Variants in ERBB4 observed in about 807,000 individuals in gnomAD.
ERBB4 encodes receptor tyrosine-protein kinase erbB-4.
In ERBB4, 42 loss-of-function variants were observed where a neutral mutation model predicts 158.0. The observed-to-expected ratio is 0.27, with a 90% CI of 0.21 to 0.34. The LOEUF is 0.34. Among genes scored for constraint, ERBB4 ranks in the 10% least tolerant of loss-of-function variants. ERBB4 has a pLI of 1.00. For synonymous variants in ERBB4, 583 were observed against 558.7 expected, an observed-to-expected ratio of 1.04 and a Z score of -0.61; for missense variants, 1,333 against 1,624.1, an observed-to-expected ratio of 0.82 and a Z score of 3.08.
At chr2:211,585,208 T>C (rs1197216339) in intron 19 of ERBB4, among the ~76,000 whole-genome samples, 10 of 151,922 alleles carry the variant, frequency 6.6e-5, no homozygotes, top group African/African-American at 1.9e-4. Context: ...AAAAATTAGC[T>C]GGGCGTGGCA....
intron 1 of ERBB4, among the ~76,000 whole-genome samples, chr2:212,388,491 A>T (rs1331402592): frequency 6.6e-6 from 1 of 152,054 alleles, no homozygotes; most frequent in African/African-American, 2.4e-5. Flanking sequence ...GTGCTGTTAT[A>T]CCTGGAACTG....
At chr2:212,265,962 T>C (rs2085119805) in intron 1 of ERBB4, among the ~76,000 whole-genome samples, 1 of 152,018 alleles carries the variant, frequency 6.6e-6, no homozygotes, top group African/African-American at 2.4e-5. Flanking sequence ...GAGAGCCACC[T>C]CGCTAATCGG....
intron 2 of ERBB4, among the ~76,000 whole-genome samples, chr2:211,986,960 T>C (rs1333444448): frequency 3.9e-5 from 6 of 152,124 alleles, no homozygotes; most frequent in African/African-American, 1.2e-4. Flanking sequence ...ACTAATAATA[T>C]ATAAAGTATG....
At chr2:212,533,862 G>A (rs1395230980) in intron 1 of ERBB4, among the ~76,000 whole-genome samples, 1 of 152,204 alleles carries the variant, frequency 6.6e-6, no homozygotes. Flanking sequence ...AAAGATAACA[G>A]TGGAATATGC....
chr2:211,818,005 C>A (rs1189651478), intron 3 of ERBB4, among the ~76,000 whole-genome samples: 4 of 152,198 alleles, frequency 2.6e-5, no homozygotes, highest in Non-Finnish European at 5.9e-5. Flanking sequence ...TAAAGTAGTT[C>A]ATTGTTCATT....
intron 16 of ERBB4, among the ~76,000 whole-genome samples, chr2:211,632,517 T>C (rs1380692187): frequency 6.6e-6 from 1 of 152,090 alleles, no homozygotes; most frequent in African/African-American, 2.4e-5. Flanking sequence ...CTCTGCTTAT[T>C]TATTTTGCAA....
At chr2:211,784,632 C>T (rs896442404) in intron 4 of ERBB4, among the ~76,000 whole-genome samples, 38 of 152,050 alleles carry the variant, frequency 2.5e-4, no homozygotes, top group African/African-American at 8.7e-4. Context: ...AGTGGGATTG[C>T]TGTGTCATAT....
chr2:212,478,623 C>T (rs1689527733), intron 1 of ERBB4, among the ~76,000 whole-genome samples: 1 of 152,010 alleles, frequency 6.6e-6, no homozygotes, highest in Admixed American at 6.6e-5. Flanking sequence ...CCTGAAAGTT[C>T]CAGGTCCCTG....
chr2:212,018,229 C>T (rs2076570782), intron 2 of ERBB4, among the ~76,000 whole-genome samples: 1 of 152,114 alleles, frequency 6.6e-6, no homozygotes, highest in South Asian at 2.1e-4. Flanking sequence ...ATCCAACAAG[C>T]CACAGCAGGA....
intron 1 of ERBB4, among the ~76,000 whole-genome samples, chr2:212,282,089 A>T (rs1285734877): frequency 1.3e-5 from 2 of 152,000 alleles, no homozygotes; most frequent in East Asian, 3.9e-4. Flanking sequence ...CAAAATTCTC[A>T]GGTTATCATA....
At chr2:212,291,963 T>A (rs1206493042) in intron 1 of ERBB4, among the ~76,000 whole-genome samples, 1 of 152,032 alleles carries the variant, frequency 6.6e-6, no homozygotes, top group Non-Finnish European at 1.5e-5. Context: ...ATCATTACAC[T>A]ATGAATTAGA....
At chr2:211,467,007 T>TTA (rs2064710836) in intron 20 of ERBB4, among the ~76,000 whole-genome samples, 1 of 152,118 alleles carries the variant, frequency 6.6e-6, no homozygotes, top group African/African-American at 2.4e-5. Flanking sequence ...ATGCATTATA[T>TTA]TATATATATT....
chr2:212,093,467 T>C (rs2078838393), intron 2 of ERBB4, among the ~76,000 whole-genome samples: 1 of 152,148 alleles, frequency 6.6e-6, no homozygotes, highest in Non-Finnish European at 1.5e-5. Context: ...TTGGAACCCA[T>C]CTGACATCTA....
intron 1 of ERBB4, among the ~76,000 whole-genome samples, chr2:212,159,192 T>A (rs1055277382): frequency 2.0e-5 from 3 of 151,828 alleles, no homozygotes; most frequent in African/African-American, 7.2e-5. Context: ...CACTTGCAGA[T>A]CCTGATCCTC....
chr2:211,929,767 T>G (rs2080123108), intron 3 of ERBB4, among the ~76,000 whole-genome samples: 1 of 152,232 alleles, frequency 6.6e-6, no homozygotes, highest in African/African-American at 2.4e-5. Flanking sequence ...TGTGCATGGC[T>G]ATGCATAATA....
chr2:211,545,260 T>C (rs2066912659), intron 20 of ERBB4, among the ~76,000 whole-genome samples: 1 of 152,064 alleles, frequency 6.6e-6, no homozygotes, highest in African/African-American at 2.4e-5. Context: ...CATAAGTATA[T>C]ACAGGTCAAT....
chr2:211,683,792 C>T (rs551589261), intron 12 of ERBB4, among the ~76,000 whole-genome samples: 4 of 150,376 alleles, frequency 2.7e-5, no homozygotes, highest in African/African-American at 7.3e-5. Context: ...GTGATTGTAC[C>T]ATTTTACACT....
chr2:212,515,388 A>C (rs1024367848), intron 1 of ERBB4, among the ~76,000 whole-genome samples: 7 of 152,146 alleles, frequency 4.6e-5, no homozygotes, highest in African/African-American at 1.7e-4. Context: ...AAAGGAAAGA[A>C]AATCTTTTTA....
rs182438330 is a variant in ERBB4 at position 211,895,808 on chromosome 2, C to A, written c.421+51622G>T. Among the ~76,000 whole-genome samples, 128 of 152,262 alleles carry A rather than the reference C, an allele frequency of 8.4e-4. 1 individual carries two copies. The highest frequency in any genetic ancestry group is 2.9e-3 in the African/African-American group (122 of 41,548). ...ATCGTAATCTGGCACTTTACTCTTG[C>A]CATAAAACAGCTCTTGTTAGGGTCA... On this transcript the variant is annotated intron_variant, in intron 3 of 27. Coordinates refer to ENST00000342788, the MANE Select transcript of ERBB4 (RefSeq NM_005235.3).
Sources: allele counts gnomAD v4.1 joint callset (sites outside exome capture counted in the v4.1 genomes callset), GRCh38; gene constraint gnomAD v4.1.1; transcripts MANE v1.5; gene names NCBI Gene and HGNC (gene_info 2026-07-23, HGNC 2026-07-21).